The following TACC2 variants were observed in gnomAD, a reference collection of about 807,000 sequenced individuals.
TACC2 encodes transforming acidic coiled-coil-containing protein 2.
TACC2 carries 137 observed loss-of-function variants against 227.3 expected under a neutral mutation model. The observed-to-expected ratio is 0.60, with a 90% CI of 0.52 to 0.69. TACC2 has a LOEUF of 0.69. Ranked by LOEUF, TACC2 falls within the 30% of genes least tolerant of loss-of-function variation. TACC2 has a pLI of 0.00. For synonymous variants in TACC2, 1,523 were observed against 1,487.5 expected (o/e 1.02, Z -0.55); for missense variants, 3,470 against 3,694.4 (o/e 0.94, Z 1.57).
At position 122,210,845 on chromosome 10, in the gene TACC2, C is replaced by G; in HGVS notation, c.6420C>G (p.Thr2140=). The G allele has an allele frequency of 2.5e-6, 4 of 1,611,930 alleles. No individual in the cohort carries two copies. The highest frequency in any genetic ancestry group is 3.4e-6 in the Non-Finnish European group (4 of 1,179,566). The change falls in exon 9 of 23, where the codon ACC becomes ACG. Residue 2140 remains threonine (T), a synonymous_variant. Transcript: ENST00000369005. The surrounding 1 kb of genome is among the most constrained non-coding windows in gnomAD (Gnocchi z 4.6). ...PRPPSLKKKQ[T]TKKPTETPPV... ...CGCCTTCCTTAAAAAAGAAACAGAC[C>G]ACCAAGAAACCCACAGAGACCCCCC... is the stretch of plus-strand genomic sequence containing the variant.
Position 122,211,169 on chromosome 10 carries a change from G to C in TACC2, c.6744G>C (p.Ser2248=), listed in dbSNP as rs35532970. 1.2e-6 allele frequency: 2 copies of C among 1,612,202 alleles called. No homozygotes were observed. The highest frequency in any genetic ancestry group is 1.1e-5 in the South Asian group (1 of 90,746). ...TAPEAGEVTP[S]DSGGQEDSPA... ...CGGAGGCAGGGGAGGTAACCCCATC[G>C]GATAGCGGGGGGCAAGAGGACTCTC... The change falls in exon 9 of 23, where the codon TCG becomes TCC. Residue 2248 remains serine (S), a synonymous_variant. Transcript: ENST00000369005.
chr10:122,197,847 G>A (rs1281280415), intron 8 of TACC2, among the ~76,000 whole-genome samples: 4 of 152,202 alleles, frequency 2.6e-5, no homozygotes, highest in Non-Finnish European at 5.9e-5. Flanking sequence ...CCTCCCAGGC[G>A]GAGGGTCCCC....
chr10:122,040,321 GAA>G (rs1251207742), intron 2 of TACC2, among the ~76,000 whole-genome samples: 1 of 152,162 alleles, frequency 6.6e-6, no homozygotes, highest in Non-Finnish European at 1.5e-5. Context: ...CCCTCTCTGG[GAA>G]AGAGGTGGTG....
At position 122,194,347 on chromosome 10, in the gene TACC2, C is replaced by CT. The variant is rs1450578598; in HGVS notation, c.5835-690dup. 6.6e-6 allele frequency among the ~76,000 whole-genome samples: 1 copy of CT among 152,190 alleles called. No homozygotes were observed. The highest frequency in any genetic ancestry group is 1.5e-5 in the Non-Finnish European group (1 of 68,046). On this transcript the variant is annotated intron_variant, in intron 7 of 22. Transcript: ENST00000369005. The surrounding 1 kb of genome is among the most constrained non-coding windows in gnomAD (Gnocchi z 4.4). ...GTGAAGAGTCTTCCTTGAGAACAGA[C>CT]TTTCCTGCAGACCAGCGAGGGCCAT...
rs769797178 is a variant in TACC2 at position 122,230,340 on chromosome 10, C to G, written c.8038-11C>G. On this transcript the variant is annotated splice_polypyrimidine_tract_variant and intron_variant, in intron 15 of 22. Transcript: ENST00000369005. ...ATTTCCCTGCGGTTTGCCCACACTCCCTGTGGGCAGGAGGAGTTAGAGTTT... is the reference window on the plus strand; with the variant it reads ...ATTTCCCTGCGGTTTGCCCACACTCGCTGTGGGCAGGAGGAGTTAGAGTTT... The G allele has an allele frequency of 6.2e-7, 1 of 1,607,428 alleles. No individual in the cohort carries two copies. The highest frequency in any genetic ancestry group is 8.5e-7 in the Non-Finnish European group (1 of 1,173,874).
chr10:122,095,702 A>G (rs73370148), intron 5 of TACC2, among the ~76,000 whole-genome samples: 4,720 of 152,264 alleles, frequency 0.031, 263 homozygotes, highest in African/African-American at 0.11. Flanking sequence ...CTTACTAGCC[A>G]GGTGGAGTCC....
Position 122,150,649 on chromosome 10 carries a change from G to A in TACC2, c.5834+6943G>A, listed in dbSNP as rs1245358573. On this transcript the variant is annotated intron_variant, in intron 7 of 22. Transcript: ENST00000369005. This position sits in a 1 kb window ranked among gnomAD's most constrained non-coding sequence, Gnocchi z 4.0. ...ACCAAGGGAGGCAGGGCCCAGGGAGGTGGGGTAGGATGGGATATGGTACGA... is the reference window on the plus strand; with the variant it reads ...ACCAAGGGAGGCAGGGCCCAGGGAGATGGGGTAGGATGGGATATGGTACGA... 6.6e-6 allele frequency among the ~76,000 whole-genome samples: 1 copy of A among 152,222 alleles called. No homozygotes were observed. Among genetic ancestry groups the A allele is most frequent in the Non-Finnish European group, 1.5e-5 (1 of 68,034 alleles).
At chr10:122,193,227 G>A (rs962293919) in intron 7 of TACC2, among the ~76,000 whole-genome samples, 1 of 152,244 alleles carries the variant, frequency 6.6e-6, no homozygotes, top group Non-Finnish European at 1.5e-5. Flanking sequence ...TTTGTGGCTG[G>A]TTGGAGGAGC....
intron 2 of TACC2, chr10:122,022,534 G>A (rs1234096585): frequency 6.5e-6 from 1 of 152,716 alleles, no homozygotes; most frequent in Non-Finnish European, 1.5e-5. Flanking sequence ...ACAAGTATGA[G>A]CCACCATTAC....
chr10:122,077,358 A>G lies in TACC2; in HGVS notation c.147-5289A>G, dbSNP rs1261043552. Among the ~76,000 whole-genome samples the G allele has an allele frequency of 3.3e-5, 5 of 152,272 alleles. No individual in the cohort carries two copies. In the South Asian group the frequency reaches 6.2e-4, roughly 19 times the overall value. ...AGGACCTGGCCTCCATTACACTCCA[A>G]TAGGGAAAACAGTCACCAACCATAG... is the stretch of plus-strand genomic sequence containing the variant. On this transcript the variant is annotated intron_variant, in intron 3 of 22. Transcript: ENST00000369005.
chr10:122,160,778 G>A (rs768899894), intron 7 of TACC2, among the ~76,000 whole-genome samples: 6 of 152,026 alleles, frequency 3.9e-5, no homozygotes, highest in South Asian at 4.1e-4. Flanking sequence ...TCTGTAGGCC[G>A]AGTTACTAGA....
rs1218443450 is a variant in TACC2 at position 122,150,235 on chromosome 10, C to T, written c.5834+6529C>T. 1.3e-5 allele frequency among the ~76,000 whole-genome samples: 2 copies of T among 152,226 alleles called. No individual in the cohort carries two copies. Among genetic ancestry groups the T allele is most frequent in the African/African-American group, 4.8e-5 (2 of 41,456 alleles). On this transcript the variant is annotated intron_variant, in intron 7 of 22. Coordinates refer to ENST00000369005, the MANE Select transcript of TACC2 (RefSeq NM_206862.4). The surrounding 1 kb of genome is among the most constrained non-coding windows in gnomAD (Gnocchi z 4.0). ...TGACGCCATCTGGGCGGCAGTCCCA[C>T]GGCCCCTAGAGCAGCTGGGAAGGGG... is the stretch of plus-strand genomic sequence containing the variant.
chr10:122,175,129 T>G (rs2093642343), intron 7 of TACC2, among the ~76,000 whole-genome samples: 1 of 152,134 alleles, frequency 6.6e-6, no homozygotes, highest in Non-Finnish European at 1.5e-5. Flanking sequence ...AATTTTTGTA[T>G]TTTTTATAGA....
At position 122,210,708 on chromosome 10, in the gene TACC2, G is replaced by A; in HGVS notation, c.6283G>A (p.Asp2095Asn). 1 of 1,614,124 alleles carries A rather than the reference G, an allele frequency of 6.2e-7. No homozygotes were observed. Among genetic ancestry groups the A allele is most frequent in the East Asian group, 2.2e-5 (1 of 44,868 alleles). Residue 2095 changes from aspartate (D) to asparagine (N), a missense_variant, in exon 9 of 23, where the codon GAT (aspartate) becomes AAT (asparagine). Asp to Asn is a conservative substitution (Grantham distance 23). Coordinates refer to ENST00000369005, the MANE Select transcript of TACC2 (RefSeq NM_206862.4). The surrounding 1 kb of genome is among the most constrained non-coding windows in gnomAD (Gnocchi z 4.6). Reference sequence around the variant, plus strand: ...GCTCAGCCTGCAAGCCAGTGACTTTGATGGTGCTTCTTCCTCAGGCAATCC... The same window carrying A: ...GCTCAGCCTGCAAGCCAGTGACTTTAATGGTGCTTCTTCCTCAGGCAATCC... Reference protein sequence around the residue: ...RSLSLQASDFDGASSSGNPEA... With the variant: ...RSLSLQASDFNGASSSGNPEA...
intron 7 of TACC2, among the ~76,000 whole-genome samples, chr10:122,144,851 A>T (rs1358835027): frequency 6.6e-6 from 1 of 152,004 alleles, no homozygotes; most frequent in Admixed American, 6.6e-5. Flanking sequence ...CATCCTTCAG[A>T]TTGTTGTTGG....
intron 2 of TACC2, among the ~76,000 whole-genome samples, chr10:122,032,244 A>G (rs1959074963): frequency 6.6e-6 from 1 of 152,082 alleles, no homozygotes; most frequent in African/African-American, 2.4e-5. Context: ...GTCTTTTCTA[A>G]CAGTTTTTCT....
At chr10:122,112,174 G>A (rs2083726848) in intron 5 of TACC2, among the ~76,000 whole-genome samples, 1 of 152,114 alleles carries the variant, frequency 6.6e-6, no homozygotes, top group Non-Finnish European at 1.5e-5. Context: ...AAAATGGGAA[G>A]CCTGCTGTCT....
chr10:122,022,163 A>C, intron 2 of TACC2, 149 bp downstream of exon 2: 1 of 683,082 alleles, frequency 1.5e-6, no homozygotes, highest in South Asian at 2.0e-5. Context: ...GGATCTATGC[A>C]GCCATTTTTC....
At chr10:122,234,015 C>T (rs1467000562) in intron 16 of TACC2, among the ~76,000 whole-genome samples, 2 of 152,238 alleles carry the variant, frequency 1.3e-5, no homozygotes, top group African/African-American at 4.8e-5. Context: ...GCACCGTGGC[C>T]TTGGTCCAGG....
Sources: gnomAD v4.1 joint callset for allele counts (sites outside exome capture counted in the v4.1 genomes callset) on GRCh38, gnomAD v4.1.1 for gene constraint, Gnocchi (gnomAD v3.1) non-coding constraint, MANE v1.5 for transcripts, NCBI Gene and HGNC (gene_info 2026-07-23, HGNC 2026-07-21) for gene names.